Variants in BCL2 observed in about 807,000 individuals in gnomAD.
The protein encoded by BCL2 is apoptosis regulator Bcl-2.
In BCL2, 1 loss-of-function variant was observed where a neutral mutation model predicts 14.2. The observed-to-expected ratio is 0.07, with a 90% CI of 0.02 to 0.33. The LOEUF (loss-of-function observed/expected upper bound fraction) is 0.33, where lower values mean the gene tolerates loss of function less well. Ranked by LOEUF, BCL2 falls within the 10% of genes least tolerant of loss-of-function variation. BCL2 has a pLI of 0.99. For missense variants in BCL2, 247 were observed against 305.9 expected (o/e 0.81, Z 1.44); for synonymous variants, 151 against 137.2 (o/e 1.10, Z -0.70).
intron 2 of BCL2, among the ~76,000 whole-genome samples, chr18:63,252,852 A>G (rs1029518403): frequency 2.8e-4 from 43 of 152,236 alleles, no homozygotes; most frequent in Admixed American, 2.6e-3. Flanking sequence ...TTGGTTGTAC[A>G]TAGGAGCAAC....
intron 2 of BCL2, among the ~76,000 whole-genome samples, chr18:63,301,254 G>C (rs1188908782): frequency 6.6e-6 from 1 of 152,208 alleles, no homozygotes; most frequent in Non-Finnish European, 1.5e-5. Context: ...TTAATGGGTA[G>C]AGTTTCCATT....
intron 2 of BCL2, among the ~76,000 whole-genome samples, chr18:63,303,803 C>G (rs994460149): frequency 6.6e-6 from 1 of 152,004 alleles, no homozygotes; most frequent in Admixed American, 6.6e-5. Context: ...TGACTGAGGC[C>G]AATGACCAAT....
chr18:63,253,201 G>A (rs1032045475), intron 2 of BCL2, among the ~76,000 whole-genome samples: 4 of 152,124 alleles, frequency 2.6e-5, no homozygotes, highest in Admixed American at 1.3e-4. Context: ...GCTGTAATAC[G>A]TGGCACTTAG....
At chr18:63,190,669 A>C (rs892868523) in intron 2 of BCL2, among the ~76,000 whole-genome samples, 1 of 152,234 alleles carries the variant, frequency 6.6e-6, no homozygotes, top group Non-Finnish European at 1.5e-5. Context: ...TGCCCCAGTA[A>C]GTGAAAGTCT....
chr18:63,282,424 T>C (rs576367212), intron 2 of BCL2, among the ~76,000 whole-genome samples: 2 of 152,232 alleles, frequency 1.3e-5, no homozygotes, highest in East Asian at 1.9e-4. Context: ...AAGTATCCTA[T>C]AGTGGCCTTG....
intron 2 of BCL2, among the ~76,000 whole-genome samples, chr18:63,205,747 T>C (rs1051901215): frequency 1.3e-5 from 2 of 152,180 alleles, no homozygotes; most frequent in Admixed American, 1.3e-4. Context: ...CACATTTGAC[T>C]ACTGTGGTTG....
At chr18:63,198,678 AACAGAC>A (rs1175144408) in intron 2 of BCL2, among the ~76,000 whole-genome samples, 2 of 34,106 alleles carry the variant, frequency 5.9e-5, no homozygotes, top group South Asian at 1.9e-3. Context: ...ACAAAGACAC[AACAGAC>A]ACAGACACAC....
chr18:63,317,956 C>A, intron 2 of BCL2, 126 bp downstream of exon 2: 3 of 1,481,632 alleles, frequency 2.0e-6, no homozygotes, highest in Non-Finnish European at 2.7e-6. Context: ...CGCCGGGAAG[C>A]AACAACTCTG....
At chr18:63,249,879 C>G (rs1379698444) in intron 2 of BCL2, among the ~76,000 whole-genome samples, 1 of 151,986 alleles carries the variant, frequency 6.6e-6, no homozygotes, top group Non-Finnish European at 1.5e-5. Flanking sequence ...ACTTGGTGAA[C>G]AGGAATTAGA....
intron 2 of BCL2, among the ~76,000 whole-genome samples, chr18:63,295,191 T>C (rs1912765946): frequency 6.6e-6 from 1 of 150,996 alleles, no homozygotes; most frequent in East Asian, 1.9e-4. Context: ...GTAATAATTA[T>C]TATTATTATT....
intron 2 of BCL2, among the ~76,000 whole-genome samples, chr18:63,223,332 G>A (rs1201864295): frequency 1.3e-5 from 2 of 151,850 alleles, no homozygotes; most frequent in African/African-American, 4.8e-5. Context: ...CCCGGGAGGC[G>A]GAGCTTGCAG....
intron 2 of BCL2, among the ~76,000 whole-genome samples, chr18:63,226,384 CCT>C (rs879608221): frequency 1.3e-4 from 20 of 152,074 alleles, no homozygotes; most frequent in Non-Finnish European, 2.4e-4. Flanking sequence ...AGGGTGGGGC[CCT>C]CACTGGGACC....
In BCL2 at chr18:63,169,341, CTTT is replaced by C. The variant is rs1568222603; in HGVS notation, c.586-40585_586-40583del. On this transcript the variant is annotated intron_variant, in intron 2 of 2. Coordinates refer to ENST00000333681, the MANE Select transcript of BCL2 (RefSeq NM_000633.3). ...CTTCCTTCTTTCCTTTCCTTCCTTT[CTTT>C]CTTTCTTTCTTTCTTTCTTTCTTTC... Among the ~76,000 whole-genome samples, 5 of 50,362 alleles carry C rather than the reference CTTT, an allele frequency of 9.9e-5. 1 individual carries two copies. The highest frequency in any genetic ancestry group is 4.2e-4 in the African/African-American group (4 of 9,546). The allele number at this position is 50,362 out of a possible 152,430, so 33.0% of individuals were successfully genotyped here.
Position 63,127,910 on chromosome 18 carries a change from A to G in BCL2, c.*715T>C, listed in dbSNP as rs1342773315. ...CTCGGCACAATTGGTAGCTTAAAAAAATACTTTCCTATGATTTAAGGGCAT... is the reference window on the plus strand; with the variant it reads ...CTCGGCACAATTGGTAGCTTAAAAAGATACTTTCCTATGATTTAAGGGCAT... On this transcript the variant is annotated 3_prime_UTR_variant, in exon 3 of 3. Transcript: ENST00000333681. 4.4e-6 allele frequency: 1 copy of G among 225,694 alleles called. No individual in the cohort carries two copies. Among genetic ancestry groups the G allele is most frequent in the African/African-American group, 2.2e-5 (1 of 44,904 alleles). The allele number at this position is 225,694 out of a possible 1,614,324, so 14.0% of individuals were successfully genotyped here.
At chr18:63,194,039 T>C (rs1909370735) in intron 2 of BCL2, among the ~76,000 whole-genome samples, 1 of 152,240 alleles carries the variant, frequency 6.6e-6, no homozygotes, top group Non-Finnish European at 1.5e-5. Flanking sequence ...TTCCTTTAGC[T>C]CTCTGCTCCC....
At chr18:63,290,579 C>G (rs1448016588) in intron 2 of BCL2, among the ~76,000 whole-genome samples, 2 of 152,140 alleles carry the variant, frequency 1.3e-5, no homozygotes, top group South Asian at 4.1e-4. Flanking sequence ...ATAGTAAGGA[C>G]CATCACAGTA....
At chr18:63,168,865 C>T (rs529381502) in intron 2 of BCL2, among the ~76,000 whole-genome samples, 1 of 152,210 alleles carries the variant, frequency 6.6e-6, no homozygotes, top group South Asian at 2.1e-4. Flanking sequence ...TGCACTTTCC[C>T]TATTGGAATC....
At chr18:63,178,446 G>A (rs1416230831) in intron 2 of BCL2, among the ~76,000 whole-genome samples, 1 of 152,204 alleles carries the variant, frequency 6.6e-6, no homozygotes, top group Non-Finnish European at 1.5e-5. Context: ...AAGGTTCTCA[G>A]AGCAAAGAAT....
chr18:63,249,937 T>TACCC (rs1911261530), intron 2 of BCL2, among the ~76,000 whole-genome samples: 1 of 151,874 alleles, frequency 6.6e-6, no homozygotes, highest in South Asian at 2.1e-4. Flanking sequence ...TGCTGTGGAG[T>TACCC]ACCCACCGAA....
Sources: gnomAD v4.1 joint callset for allele counts (sites outside exome capture counted in the v4.1 genomes callset) on GRCh38, gnomAD v4.1.1 for gene constraint, MANE v1.5 for transcripts, NCBI Gene and HGNC (gene_info 2026-07-23, HGNC 2026-07-21) for gene names.